The following OLFM3 variants were observed in gnomAD, a reference collection of about 807,000 sequenced individuals.
OLFM3 encodes the protein olfactomedin 3.
In OLFM3, 20 loss-of-function variants were observed where a neutral mutation model predicts 48.6. The ratio of observed to expected loss-of-function variants is 0.41; its 90% CI spans 0.29 to 0.60. The LOEUF is 0.60. OLFM3 is among the 20% of genes least tolerant of loss of function. OLFM3 has a pLI of 0.28. For synonymous variants in OLFM3, 222 were observed against 198.1 expected (o/e 1.12, Z -1.01); for missense variants, 437 against 544.3 (o/e 0.80, Z 1.96).
chr1:101,847,037 G>C, intron 1 of OLFM3: 1 of 1,549,656 alleles, frequency 6.5e-7, no homozygotes. Flanking sequence ...CTGGCAGCGG[G>C]AGGCGTGACT....
chr1:101,946,182 C>A (rs1659958686), intron 1 of OLFM3, among the ~76,000 whole-genome samples: 1 of 135,320 alleles, frequency 7.4e-6, no homozygotes, highest in African/African-American at 2.8e-5. Context: ...GTAAAAATGA[C>A]TGCTTAGACA....
intron 3 of OLFM3, among the ~76,000 whole-genome samples, chr1:101,830,403 TTTAA>T (rs1655089180): frequency 6.6e-6 from 1 of 152,184 alleles, no homozygotes. Context: ...ACATTTATAA[TTTAA>T]TTATTAATTT....
At chr1:101,877,714 C>T (rs977518307) in intron 1 of OLFM3, among the ~76,000 whole-genome samples, 14 of 150,930 alleles carry the variant, frequency 9.3e-5, no homozygotes, top group African/African-American at 2.2e-4. Context: ...TTAGTATGTA[C>T]GATCTTATTA....
chr1:101,967,361 C>T (rs1326351302), intron 1 of OLFM3, among the ~76,000 whole-genome samples: 1 of 151,510 alleles, frequency 6.6e-6, no homozygotes, highest in African/African-American at 2.4e-5. Context: ...TTCAACTTTA[C>T]TGTGTTGGAA....
At chr1:101,905,408 A>G (rs570212608) in intron 1 of OLFM3, among the ~76,000 whole-genome samples, 1 of 152,172 alleles carries the variant, frequency 6.6e-6, no homozygotes, top group Non-Finnish European at 1.5e-5. Context: ...GGCCAAATGT[A>G]ATTTAATACT....
At chr1:101,981,457 A>G (rs1003134475) in intron 1 of OLFM3, among the ~76,000 whole-genome samples, 3 of 152,170 alleles carry the variant, frequency 2.0e-5, no homozygotes, top group South Asian at 4.1e-4. Flanking sequence ...CTGATGCCAT[A>G]TTCTCCTCTA....
At chr1:101,952,941 C>T (rs1434297297) in intron 1 of OLFM3, among the ~76,000 whole-genome samples, 1 of 152,100 alleles carries the variant, frequency 6.6e-6, no homozygotes, top group Non-Finnish European at 1.5e-5. Context: ...AGTGGCTATT[C>T]AGCACTTGAA....
rs186802083 is a variant in OLFM3 at position 101,838,260 on chromosome 1, T to C, written c.70-1235A>G. The stretch of plus-strand genomic sequence containing the variant: ...TTTCAGTAGAGATGGGGTTTCACTA[T>C]GTTGGCCAGCCTGGTCTTGAATTCC... On this transcript the variant is annotated intron_variant, in intron 1 of 5. Coordinates refer to ENST00000370103, the MANE Select transcript of OLFM3 (RefSeq NM_058170.4). Among the ~76,000 whole-genome samples, 210 of 152,332 alleles carry C rather than the reference T, an allele frequency of 1.4e-3. 1 individual carries two copies. Among genetic ancestry groups the C allele is most frequent in the African/African-American group, 5.0e-3 (209 of 41,584 alleles).
chr1:101,874,191 G>T (rs991864725), intron 1 of OLFM3, among the ~76,000 whole-genome samples: 10 of 151,742 alleles, frequency 6.6e-5, no homozygotes, highest in African/African-American at 2.4e-4. Flanking sequence ...TCTGCCTCTT[G>T]ACCATGTGGT....
chr1:101,961,354 A>C (rs193192097), intron 1 of OLFM3, among the ~76,000 whole-genome samples: 5 of 152,216 alleles, frequency 3.3e-5, no homozygotes, highest in Admixed American at 2.6e-4. Flanking sequence ...CATATTTAAA[A>C]TAGATACTGT....
intron 1 of OLFM3, among the ~76,000 whole-genome samples, chr1:101,956,095 T>TTTTTTTTA (rs1660288991): frequency 1.4e-5 from 2 of 143,710 alleles, no homozygotes; most frequent in Admixed American, 6.9e-5. Flanking sequence ...GGTTTTTTTT[T>TTTTTTTTA]TTTTTTTTAA....
intron 1 of OLFM3, among the ~76,000 whole-genome samples, chr1:101,953,136 G>A (rs1312942000): frequency 6.6e-6 from 1 of 151,980 alleles, no homozygotes; most frequent in Non-Finnish European, 1.5e-5. Flanking sequence ...CGGACATACT[G>A]GGTTAAATGA....
chr1:101,892,477 T>C (rs1191982823), intron 1 of OLFM3, among the ~76,000 whole-genome samples: 1 of 152,064 alleles, frequency 6.6e-6, no homozygotes, highest in African/African-American at 2.4e-5. Context: ...TTTACAAAAA[T>C]TAAATCTTAG....
chr1:101,862,993 G>GTTT (rs5776596), intron 1 of OLFM3, among the ~76,000 whole-genome samples: 1 of 142,472 alleles, frequency 7.0e-6, no homozygotes, highest in Non-Finnish European at 1.5e-5. Flanking sequence ...TATGTAATTA[G>GTTT]TTTTTTTTTT....
chr1:101,940,546 T>G (rs1288064809), intron 1 of OLFM3, among the ~76,000 whole-genome samples: 2 of 151,810 alleles, frequency 1.3e-5, no homozygotes, highest in Non-Finnish European at 2.9e-5. Flanking sequence ...TATCTATGTA[T>G]CTATCTATCT....
At chr1:101,819,678 CATTAA>C (rs753668964) in intron 4 of OLFM3, among the ~76,000 whole-genome samples, 5 of 151,824 alleles carry the variant, frequency 3.3e-5, no homozygotes, top group Admixed American at 1.3e-4. Context: ...TGGTTCTAGT[CATTAA>C]ATTAAAGTTA....
intron 3 of OLFM3, among the ~76,000 whole-genome samples, chr1:101,828,873 A>G (rs527610805): frequency 2.0e-5 from 3 of 152,114 alleles, no homozygotes; most frequent in Non-Finnish European, 4.4e-5. Context: ...TTATTTTACC[A>G]TCTACACTCT....
chr1:101,930,397 G>A lies in OLFM3; in HGVS notation c.69+66351C>T, dbSNP rs377219403. 1.5e-4 allele frequency among the ~76,000 whole-genome samples: 23 copies of A among 152,254 alleles called. No individual in the cohort carries two copies. In the East Asian group the frequency reaches 4.4e-3, roughly 29 times the overall value. ...ATCATGTTGAAGTCTGCATGGTAGA[G>A]TGAGAAAATATAAAACTGAGGTTTA... On this transcript the variant is annotated intron_variant, in intron 1 of 5. Coordinates refer to ENST00000370103, the MANE Select transcript of OLFM3 (RefSeq NM_058170.4).
At chr1:101,839,479 T>C (rs12145640) in intron 1 of OLFM3, among the ~76,000 whole-genome samples, 99 of 152,316 alleles carry the variant, frequency 6.5e-4, no homozygotes, top group Non-Finnish European at 1.3e-3. Flanking sequence ...CCTGCAGTTT[T>C]AGCTGGGCAT....
Sources: gnomAD v4.1 joint callset for allele counts (sites outside exome capture counted in the v4.1 genomes callset) on GRCh38, gnomAD v4.1.1 for gene constraint, MANE v1.5 for transcripts, NCBI Gene and HGNC (gene_info 2026-07-23, HGNC 2026-07-21) for gene names.